Variants in NHLRC2 observed in about 807,000 individuals in gnomAD.
The protein encoded by NHLRC2 is NHL repeat-containing protein 2.
In NHLRC2, 33 loss-of-function variants were observed where a neutral mutation model predicts 68.1. The observed-to-expected ratio is 0.48, with a 90% CI of 0.37 to 0.65. The LOEUF is 0.65. NHLRC2 is among the 30% of genes least tolerant of loss of function. NHLRC2 has a pLI of 0.00. For missense variants in NHLRC2, 761 were observed against 853.8 expected (o/e 0.89, Z 1.35); for synonymous variants, 311 against 309.6 (o/e 1.00, Z -0.05).
In NHLRC2 at chr10:113,914,937, G is replaced by A. The variant is rs1448496928; in HGVS notation, c.*6401G>A. On this transcript the variant is annotated 3_prime_UTR_variant, in exon 11 of 11. Transcript: ENST00000369301. ...GGCCCCTTTACATATGAGCTCTGGA[G>A]GTTCGCCTGGCTGCCTCAGGCTTGC... 2 of 455,606 alleles carry A rather than the reference G, an allele frequency of 4.4e-6. No homozygotes were observed. Among genetic ancestry groups the A allele is most frequent in the Non-Finnish European group, 8.8e-6 (2 of 226,728 alleles). 28.2% of individuals were successfully genotyped at this position (455,606 alleles called of 1,614,324 possible).
chr10:113,882,171 T>TA (rs1210530685), intron 4 of NHLRC2, among the ~76,000 whole-genome samples: 1 of 151,832 alleles, frequency 6.6e-6, no homozygotes, highest in Non-Finnish European at 1.5e-5. Context: ...TGAGCATTGA[T>TA]ACACAGGTTT....
At chr10:113,868,670 CAAAA>C (rs151255963) in intron 2 of NHLRC2, among the ~76,000 whole-genome samples, 2,532 of 152,192 alleles carry the variant, frequency 0.017, 36 homozygotes, top group Non-Finnish European at 0.025. Context: ...TATAGTCTAA[CAAAA>C]GAAGGCATAT....
In NHLRC2 at chr10:113,908,662, A is replaced by G. The variant is rs1846296692; in HGVS notation, c.*126A>G. Reference sequence around the variant, plus strand: ...CCAAGATGCCCATTGCTCAGTTCAGACAACTGATATTAAAATAAAGCTATG... The same window carrying G: ...CCAAGATGCCCATTGCTCAGTTCAGGCAACTGATATTAAAATAAAGCTATG... On this transcript the variant is annotated 3_prime_UTR_variant, in exon 11 of 11. Transcript: ENST00000369301. 6.4e-6 allele frequency: 5 copies of G among 778,774 alleles called. No homozygotes were observed. The Admixed American group carries it at 8.2e-5, about 13-fold the overall frequency. The allele number at this position is 778,774 out of a possible 1,614,324, so 48.2% of individuals were successfully genotyped here. A position where few individuals can be genotyped will look rare whatever the true frequency, so the allele number is the denominator to read the frequency against.
intron 5 of NHLRC2, 70 bp downstream of exon 5, chr10:113,884,450 G>A: frequency 7.6e-7 from 1 of 1,322,328 alleles, no homozygotes; most frequent in Non-Finnish European, 1.1e-6. Flanking sequence ...ATATTCTTGA[G>A]GTGGTCATTT....
chr10:113,882,435 G>A (rs985949612), intron 4 of NHLRC2, among the ~76,000 whole-genome samples: 5 of 151,708 alleles, frequency 3.3e-5, no homozygotes, highest in Non-Finnish European at 7.4e-5. Context: ...GTTTTGATAT[G>A]CATTTCCCTT....
At chr10:113,855,757 C>T (rs996337280) in intron 1 of NHLRC2, among the ~76,000 whole-genome samples, 9 of 152,174 alleles carry the variant, frequency 5.9e-5, no homozygotes, top group Non-Finnish European at 1.5e-5. Context: ...CCTCCGTTTC[C>T]CAAAGTGCTG....
chr10:113,880,195 A>G (rs995315827), intron 4 of NHLRC2, among the ~76,000 whole-genome samples: 1 of 152,018 alleles, frequency 6.6e-6, no homozygotes. Context: ...CTGACCATCA[A>G]TTCCAGTTTC....
chr10:113,859,377 A>T (rs1459082349), intron 2 of NHLRC2, among the ~76,000 whole-genome samples: 1 of 152,152 alleles, frequency 6.6e-6, no homozygotes, highest in Non-Finnish European at 1.5e-5. Flanking sequence ...AGTGAATTGA[A>T]GCACTAATCT....
At chr10:113,864,878 G>A (rs1401689663) in intron 2 of NHLRC2, among the ~76,000 whole-genome samples, 1 of 151,810 alleles carries the variant, frequency 6.6e-6, no homozygotes, top group Non-Finnish European at 1.5e-5. Context: ...ATGAGCCAGT[G>A]GTAATCTTGA....
chr10:113,874,443 TGTGTGTGTGTG>T (rs1564852512), intron 2 of NHLRC2, among the ~76,000 whole-genome samples: 1 of 408 alleles, frequency 2.5e-3, no homozygotes, highest in Non-Finnish European at 8.6e-3. Context: ...GGCATGTGTT[TGTGTGTGTGTG>T]TGTGTGTGTG....
intron 5 of NHLRC2, among the ~76,000 whole-genome samples, chr10:113,893,929 G>A (rs774751741): frequency 2.0e-5 from 3 of 152,222 alleles, no homozygotes; most frequent in Non-Finnish European, 2.9e-5. Context: ...TTTTCTTAGA[G>A]TGGGACATTG....
At chr10:113,887,928 A>G (rs1354786934) in intron 5 of NHLRC2, among the ~76,000 whole-genome samples, 3 of 151,270 alleles carry the variant, frequency 2.0e-5, no homozygotes, top group Non-Finnish European at 4.4e-5. Context: ...TACTTGTGGA[A>G]TCTAAAAATG....
At chr10:113,899,186 C>T (rs1358859781) in intron 6 of NHLRC2, among the ~76,000 whole-genome samples, 3 of 152,102 alleles carry the variant, frequency 2.0e-5, no homozygotes, top group Non-Finnish European at 1.5e-5. Context: ...TCCTACTAGT[C>T]TCTTAAAGGA....
At chr10:113,872,973 G>T (rs139352495) in intron 2 of NHLRC2, among the ~76,000 whole-genome samples, 269 of 152,220 alleles carry the variant, frequency 1.8e-3, no homozygotes, top group Non-Finnish European at 2.9e-3. Context: ...GGTACCGGGG[G>T]TGATTGACCC....
intron 2 of NHLRC2, among the ~76,000 whole-genome samples, chr10:113,867,307 A>T (rs1845877043): frequency 6.6e-6 from 1 of 152,194 alleles, no homozygotes; most frequent in Admixed American, 6.5e-5. Context: ...TATTTTCTTT[A>T]TTCAGTAGTT....
At chr10:113,870,104 A>G (rs1228534369) in intron 2 of NHLRC2, among the ~76,000 whole-genome samples, 2 of 152,180 alleles carry the variant, frequency 1.3e-5, no homozygotes, top group African/African-American at 2.4e-5. Context: ...AGTTTCTCAA[A>G]TAATTCAGAA....
intron 2 of NHLRC2, among the ~76,000 whole-genome samples, chr10:113,859,484 T>G (rs1365129948): frequency 6.6e-6 from 1 of 152,150 alleles, no homozygotes; most frequent in African/African-American, 2.4e-5. Context: ...ATTCTGAAAC[T>G]TAACTTTAAA....
At chr10:113,882,924 C>T (rs1846048042) in intron 4 of NHLRC2, among the ~76,000 whole-genome samples, 1 of 151,756 alleles carries the variant, frequency 6.6e-6, no homozygotes, top group Admixed American at 6.6e-5. Context: ...ACAGTTACCC[C>T]AGAAACATTT....
chr10:113,872,871 A>G (rs1409353044), intron 2 of NHLRC2, among the ~76,000 whole-genome samples: 3 of 152,176 alleles, frequency 2.0e-5, no homozygotes, highest in Admixed American at 6.5e-5. Flanking sequence ...AAATCAGAAC[A>G]GCTGACTGGA....
Sources: gnomAD v4.1 joint callset for allele counts (sites outside exome capture counted in the v4.1 genomes callset) on GRCh38, gnomAD v4.1.1 for gene constraint, MANE v1.5 for transcripts, NCBI Gene and HGNC (gene_info 2026-07-23, HGNC 2026-07-21) for gene names.